KLKB1: variants seen among roughly 807,000 people sequenced by gnomAD.
KLKB1 encodes kallikrein B1.
KLKB1 carries 58 observed loss-of-function variants against 73.6 expected under a neutral mutation model. The observed-to-expected ratio is 0.79, with a 90% CI of 0.64 to 0.98. The LOEUF (loss-of-function observed/expected upper bound fraction) is 0.98, where lower values mean the gene tolerates loss of function less well. Ranked by LOEUF, KLKB1 falls within the 50% of genes least tolerant of loss-of-function variation. The pLI, the probability that KLKB1 is intolerant of heterozygous loss-of-function variation, is 0.00. For missense variants in KLKB1, 737 were observed against 763.8 expected, an observed-to-expected ratio of 0.96 and a Z score of 0.41; for synonymous variants, 280 against 258.1, an observed-to-expected ratio of 1.08 and a Z score of -0.81.
rs1171468476 is a variant in KLKB1, at chr4:186,258,087, T to C, written c.1792T>C (p.Trp598Arg). 3 of 1,614,118 alleles carry C rather than the reference T, an allele frequency of 1.9e-6. No homozygotes were observed. Among genetic ancestry groups the C allele is most frequent in the Non-Finnish European group, 2.5e-6 (3 of 1,179,962 alleles). Reference sequence around the variant, plus strand: ...GTGGCGTTTGGTGGGCATCACCAGCTGGGGTGAAGGCTGTGCCCGCAGGGA... The same window carrying C: ...GTGGCGTTTGGTGGGCATCACCAGCCGGGGTGAAGGCTGTGCCCGCAGGGA... ...GMWRLVGITSWGEGCARREQP... is the reference protein window; with the variant it reads ...GMWRLVGITSRGEGCARREQP... The change falls in exon 15 of 15, where the codon TGG (tryptophan) becomes CGG (arginine). Residue 598 changes from tryptophan to arginine, a missense_variant. By Grantham distance (101) the Trp-to-Arg change is moderately radical. Coordinates refer to ENST00000264690, the MANE Select transcript of KLKB1 (RefSeq NM_000892.5).
intron 2 of KLKB1, 145 bp from the exon 3 acceptor site, chr4:186,231,982 A>G (rs972063187): frequency 2.0e-5 from 12 of 590,334 alleles, no homozygotes; most frequent in Non-Finnish European, 3.5e-5. Context: ...TTGCCTTAAT[A>G]TATTTTATTT....
chr4:186,227,282 T>C (rs1453224953), upstream of KLKB1: 1 of 152,244 alleles, frequency 6.6e-6, no homozygotes, highest in Admixed American at 6.5e-5. Context: ...TTTTCGTGCA[T>C]GGATACTTGT....
chr4:186,246,423 C>A (rs558262174), intron 6 of KLKB1, among the ~76,000 whole-genome samples: 262 of 152,210 alleles, frequency 1.7e-3, no homozygotes, highest in Admixed American at 3.0e-3. Context: ...AATGCCTGGA[C>A]GTCAGGCACC....
intron 6 of KLKB1, among the ~76,000 whole-genome samples, chr4:186,244,011 CTA>C (rs776603948): frequency 1.3e-5 from 2 of 152,092 alleles, no homozygotes; most frequent in Non-Finnish European, 2.9e-5. Flanking sequence ...GGGGGCCAGC[CTA>C]AAACAGTAAG....
intron 2 of KLKB1, among the ~76,000 whole-genome samples, chr4:186,230,877 T>G (rs947421126): frequency 6.6e-6 from 1 of 152,226 alleles, no homozygotes; most frequent in African/African-American, 2.4e-5. Context: ...GTATTGTCAC[T>G]AAACCAACTC....
chr4:186,234,865 T>G (rs4253343), intron 4 of KLKB1, among the ~76,000 whole-genome samples: 31 of 152,354 alleles, frequency 2.0e-4, no homozygotes, highest in African/African-American at 7.5e-4. Flanking sequence ...GCTGAAAAGA[T>G]TCAACTGATG....
At chr4:186,234,478 TG>T (rs923967106) in intron 4 of KLKB1, among the ~76,000 whole-genome samples, 6 of 152,212 alleles carry the variant, frequency 3.9e-5, no homozygotes, top group Non-Finnish European at 8.8e-5. Context: ...GAGACATTTT[TG>T]GTGGCTACAA....
chr4:186,250,285 T>C lies in KLKB1; in HGVS notation c.641T>C (p.Val214Ala). 6.2e-7 allele frequency: 1 copy of C among 1,614,192 alleles called. No homozygotes were observed. Among genetic ancestry groups the C allele is most frequent in the Non-Finnish European group, 8.5e-7 (1 of 1,180,004 alleles). Residue 214 changes from valine (V) to alanine (A), a missense_variant, in exon 7 of 15, where the codon GTG (valine) becomes GCG (alanine). Val to Ala is a moderately conservative substitution (Grantham distance 64). Coordinates refer to ENST00000264690, the MANE Select transcript of KLKB1 (RefSeq NM_000892.5). Reference protein sequence around the residue: ...NIFQHLAFSDVDVARVLTPDA... With the variant: ...NIFQHLAFSDADVARVLTPDA... Reference sequence around the variant, plus strand: ...TTCCAGCATCTTGCGTTCTCAGATGTGGATGTTGCCAGGGTTCTCACTCCA... The same window carrying C: ...TTCCAGCATCTTGCGTTCTCAGATGCGGATGTTGCCAGGGTTCTCACTCCA...
chr4:186,245,826 T>TTTTTG (rs1278768034), intron 6 of KLKB1, among the ~76,000 whole-genome samples: 2 of 133,722 alleles, frequency 1.5e-5, no homozygotes, highest in East Asian at 4.5e-4. Context: ...GTTTTTTGGT[T>TTTTTG]TTTTTTTTTT....
intron 14 of KLKB1, among the ~76,000 whole-genome samples, chr4:186,257,777 GTGTC>G (rs1554080064): frequency 6.7e-6 from 1 of 148,270 alleles, no homozygotes; most frequent in African/African-American, 2.5e-5. Context: ...GTGTGTGTGT[GTGTC>G]TGGCAAGCAA....
At chr4:186,224,716 C>T (rs755693081), upstream of KLKB1, among the ~76,000 whole-genome samples, 5 of 152,258 alleles carry the variant, frequency 3.3e-5, no homozygotes, top group African/African-American at 4.8e-5. Flanking sequence ...ACTTTGGACT[C>T]GGACTTTTGG....
chr4:186,213,537 T>C (rs1355538095), intron 2 of KLKB1: 1 of 152,236 alleles, frequency 6.6e-6, no homozygotes, highest in Non-Finnish European at 1.5e-5. Context: ...TGAATTTCTC[T>C]GACTCTGAAG....
chr4:186,213,935 T>G (rs1181325055), intron 2 of KLKB1, among the ~76,000 whole-genome samples: 3 of 152,186 alleles, frequency 2.0e-5, no homozygotes, highest in Non-Finnish European at 4.4e-5. Context: ...CTACAATGAA[T>G]TACCGGCTTT....
chr4:186,242,173 TG>T, intron 6 of KLKB1, among the ~76,000 whole-genome samples: 1 of 151,084 alleles, frequency 6.6e-6, no homozygotes, highest in Non-Finnish European at 1.5e-5. Context: ...AGGTGCTCAG[TG>T]GGGGAGCTTC....
chr4:186,246,868 A>T (rs959656174), intron 6 of KLKB1, among the ~76,000 whole-genome samples: 1 of 152,202 alleles, frequency 6.6e-6, no homozygotes, highest in African/African-American at 2.4e-5. Flanking sequence ...AACAGCAAGG[A>T]AAGACTATCT....
chr4:186,228,324 T>G lies in KLKB1; in HGVS notation c.58+71T>G, dbSNP rs762446970. 1.7e-4 allele frequency: 159 copies of G among 922,168 alleles called. 1 individual carries two copies. The highest frequency in any genetic ancestry group is 2.7e-4 in the Non-Finnish European group (152 of 554,278). The allele number at this position is 922,168 out of a possible 1,614,324, so 57.1% of individuals were successfully genotyped here. ...GTAGCCAAGCAAGTGGCACCACCCC[T>G]GGAGAAAGCTATTGAACATACAGCT... On this transcript the variant is annotated intron_variant, in intron 2 of 14. Coordinates refer to ENST00000264690, the MANE Select transcript of KLKB1 (RefSeq NM_000892.5).
rs745618332 is a variant in KLKB1, at chr4:186,238,381, C to A, written c.598+16C>A. Reference sequence around the variant, plus strand: ...TCAGAAATTGGTAATTGTAGGACTACTTCACTTTGTGATTGTGGTAGGTGG... The same window carrying A: ...TCAGAAATTGGTAATTGTAGGACTAATTCACTTTGTGATTGTGGTAGGTGG... On this transcript the variant is annotated intron_variant, in intron 6 of 14. Transcript: ENST00000264690. 6.5e-7 allele frequency: 1 copy of A among 1,542,024 alleles called. No homozygotes were observed. Among genetic ancestry groups the A allele is most frequent in the South Asian group, 1.1e-5 (1 of 89,612 alleles).
chr4:186,225,848 A>T (rs1211682319), upstream of KLKB1, among the ~76,000 whole-genome samples: 8 of 152,178 alleles, frequency 5.3e-5, no homozygotes, highest in African/African-American at 1.4e-4. Context: ...TTTTTTAAAT[A>T]AGTTTCTGCA....
In KLKB1 at chr4:186,258,146, C is replaced by T; in HGVS notation, c.1851C>T (p.Tyr617=). The change falls in exon 15 of 15, where the codon TAC becomes TAT. Residue 617 remains tyrosine (Y), a synonymous_variant. Coordinates refer to ENST00000264690, the MANE Select transcript of KLKB1 (RefSeq NM_000892.5). ...QPGVYTKVAE[Y]MDWILEKTQS... ...GTGTCTACACCAAAGTCGCTGAGTA[C>T]ATGGACTGGATTTTAGAGAAAACAC... The T allele has an allele frequency of 1.2e-6, 2 of 1,614,142 alleles. No individual in the cohort carries two copies. Among genetic ancestry groups the T allele is most frequent in the Admixed American group, 1.7e-5 (1 of 60,022 alleles).
Sources: gnomAD v4.1 joint callset for allele counts (sites outside exome capture counted in the v4.1 genomes callset) on GRCh38, gnomAD v4.1.1 for gene constraint, MANE v1.5 for transcripts, NCBI Gene and HGNC (gene_info 2026-07-23, HGNC 2026-07-21) for gene names.